Variants in LRRTM4 observed in about 807,000 individuals in gnomAD.
LRRTM4 encodes the protein leucine-rich repeat transmembrane neuronal protein 4.
In LRRTM4, 25 loss-of-function variants were observed where a neutral mutation model predicts 47.6. That is an observed-to-expected ratio of 0.53 (90% CI 0.38 to 0.73). LRRTM4 has a LOEUF of 0.73. Among genes scored for constraint, LRRTM4 ranks in the 30% least tolerant of loss-of-function variants. The pLI is 0.00. For synonymous variants in LRRTM4, 311 were observed against 269.5 expected (o/e 1.15, Z -1.51); for missense variants, 638 against 713.4 (o/e 0.89, Z 1.20).
intron 3 of LRRTM4, among the ~76,000 whole-genome samples, chr2:77,412,808 G>A (rs1225603939): frequency 6.6e-6 from 1 of 152,152 alleles, no homozygotes; most frequent in African/African-American, 2.4e-5. Context: ...TGGGATGGCT[G>A]ACATATTGGA....
intron 3 of LRRTM4, among the ~76,000 whole-genome samples, chr2:77,044,467 T>G (rs144109527): frequency 5.7e-4 from 86 of 151,900 alleles, no homozygotes; most frequent in African/African-American, 1.5e-3. Context: ...GAAATCCATA[T>G]AGCTCTGAAA....
intron 3 of LRRTM4, among the ~76,000 whole-genome samples, chr2:77,300,341 T>A (rs944746697): frequency 2.0e-5 from 3 of 152,020 alleles, no homozygotes; most frequent in Non-Finnish European, 2.9e-5. Context: ...AGGTGAAAAA[T>A]TAGAAATATT....
intron 3 of LRRTM4, among the ~76,000 whole-genome samples, chr2:77,010,938 A>C (rs1180852457): frequency 6.6e-6 from 1 of 152,156 alleles, no homozygotes; most frequent in African/African-American, 2.4e-5. Context: ...GCAACATTCA[A>C]ATAAACTTGA....
chr2:76,792,523 A>G (rs1675031073), intron 3 of LRRTM4, among the ~76,000 whole-genome samples: 1 of 152,096 alleles, frequency 6.6e-6, no homozygotes, highest in South Asian at 2.1e-4. Context: ...GTGTGTGTGT[A>G]TCACATTCAA....
Position 77,518,758 on chromosome 2 carries a change from A to T in LRRTM4, c.1111T>A (p.Ser371Thr), listed in dbSNP as rs752134269. The T allele has an allele frequency of 1.9e-6, 3 of 1,613,196 alleles. No individual in the cohort carries two copies. The highest frequency in any genetic ancestry group is 4.5e-5 in the East Asian group (2 of 44,852). Residue 371 changes from serine to threonine, a missense_variant, in exon 3 of 4, where the codon TCA becomes ACA. Physicochemically the swap from Ser to Thr is moderately conservative, Grantham distance 58 (BLOSUM62 1). Transcript: ENST00000409884. The part of the protein sequence containing the change: ...SEVQVVNTER[S>T]HLVPQTPQKP... ...TGGGGAGTTTGGGGCACCAGGTGTGATCTTTCTGTGTTGACCACCTGGACT... is the reference window on the plus strand; with the variant it reads ...TGGGGAGTTTGGGGCACCAGGTGTGTTCTTTCTGTGTTGACCACCTGGACT...
chr2:77,494,319 G>C (rs1649123236), intron 3 of LRRTM4, among the ~76,000 whole-genome samples: 1 of 151,966 alleles, frequency 6.6e-6, no homozygotes, highest in African/African-American at 2.4e-5. Flanking sequence ...TTTTGGTTTT[G>C]ACCTTCAGGC....
intron 3 of LRRTM4, among the ~76,000 whole-genome samples, chr2:77,305,122 C>T (rs1257782222): frequency 6.6e-6 from 1 of 151,956 alleles, no homozygotes; most frequent in African/African-American, 2.4e-5. Context: ...TGAAAAACTA[C>T]ACATAAAACT....
chr2:76,772,542 A>T (rs368154921), intron 3 of LRRTM4, among the ~76,000 whole-genome samples: 1 of 152,226 alleles, frequency 6.6e-6, no homozygotes, highest in Admixed American at 6.5e-5. Context: ...ACTGAACATG[A>T]CAGTCTCAAT....
intron 3 of LRRTM4, among the ~76,000 whole-genome samples, chr2:76,815,036 G>C (rs1246993639): frequency 6.6e-6 from 1 of 152,064 alleles, no homozygotes; most frequent in Admixed American, 6.6e-5. Context: ...AAGCGGAGAC[G>C]TGTGTGGGAG....
intron 3 of LRRTM4, among the ~76,000 whole-genome samples, chr2:77,475,741 A>G (rs1677361181): frequency 1.8e-5 from 1 of 57,014 alleles, no homozygotes; most frequent in South Asian, 7.1e-4. Flanking sequence ...ATAAATAGTT[A>G]CTAATCTGGC....
At chr2:76,775,239 A>G (rs1039488888) in intron 3 of LRRTM4, among the ~76,000 whole-genome samples, 1 of 152,166 alleles carries the variant, frequency 6.6e-6, no homozygotes, top group East Asian at 1.9e-4. Context: ...GACATTTTCA[A>G]TGGTGTAATC....
chr2:76,971,097 G>T (rs1459417779), intron 3 of LRRTM4, among the ~76,000 whole-genome samples: 1 of 151,976 alleles, frequency 6.6e-6, no homozygotes, highest in African/African-American at 2.4e-5. Context: ...GGCAATACTG[G>T]CTGTGCTAGG....
chr2:77,043,334 T>C (rs1393255588), intron 3 of LRRTM4, among the ~76,000 whole-genome samples: 2 of 151,792 alleles, frequency 1.3e-5, no homozygotes, highest in African/African-American at 4.8e-5. Context: ...CGTTCAGAAG[T>C]GTTGTCCATA....
At chr2:77,143,663 A>G (rs1006011206) in intron 3 of LRRTM4, among the ~76,000 whole-genome samples, 1 of 152,198 alleles carries the variant, frequency 6.6e-6, no homozygotes, top group African/African-American at 2.4e-5. Context: ...AGCATTTCAG[A>G]ATTTCTGCAA....
chr2:76,902,828 A>G (rs1240734962), intron 3 of LRRTM4, among the ~76,000 whole-genome samples: 1 of 152,168 alleles, frequency 6.6e-6, no homozygotes, highest in African/African-American at 2.4e-5. Flanking sequence ...CCAAATTGAT[A>G]GATTCCCCTG....
At chr2:77,087,059 G>A (rs1431321193) in intron 3 of LRRTM4, among the ~76,000 whole-genome samples, 2 of 152,148 alleles carry the variant, frequency 1.3e-5, no homozygotes, top group African/African-American at 4.8e-5. Flanking sequence ...TTGAAAATCA[G>A]AAAGTTCATA....
intron 3 of LRRTM4, among the ~76,000 whole-genome samples, chr2:77,336,201 A>G (rs1293219273): frequency 6.7e-6 from 1 of 149,916 alleles, no homozygotes; most frequent in Non-Finnish European, 1.5e-5. Context: ...AGAAGGAAGG[A>G]AAGAAGGAAG....
intron 3 of LRRTM4, among the ~76,000 whole-genome samples, chr2:77,311,566 A>G (rs1398610481): frequency 1.3e-5 from 2 of 152,232 alleles, no homozygotes; most frequent in Non-Finnish European, 2.9e-5. Flanking sequence ...TTACTTTGAC[A>G]GTCAAATGGG....
At chr2:77,298,430 G>T (rs549372141) in intron 3 of LRRTM4, among the ~76,000 whole-genome samples, 3 of 152,106 alleles carry the variant, frequency 2.0e-5, no homozygotes, top group Non-Finnish European at 4.4e-5. Flanking sequence ...TGGAGACGGG[G>T]TGTTCACCGT....
Sources: gnomAD v4.1 joint callset for allele counts (sites outside exome capture counted in the v4.1 genomes callset) on GRCh38, gnomAD v4.1.1 for gene constraint, MANE v1.5 for transcripts, NCBI Gene and HGNC (gene_info 2026-07-23, HGNC 2026-07-21) for gene names.